Variants in MPPE1 observed in about 807,000 individuals in gnomAD.
MPPE1 encodes metallo phosphoesterase.
In MPPE1, 28 loss-of-function variants were observed where a neutral mutation model predicts 43.8. The observed-to-expected ratio is 0.64, with a 90% CI of 0.47 to 0.88. MPPE1 has a LOEUF of 0.88. Among genes scored for constraint, MPPE1 ranks in the 40% least tolerant of loss-of-function variants. MPPE1 has a pLI of 0.00. For synonymous variants in MPPE1, 159 were observed against 188.5 expected, an observed-to-expected ratio of 0.84 and a Z score of 1.28; for missense variants, 428 against 492.2, an observed-to-expected ratio of 0.87 and a Z score of 1.23.
In MPPE1 at chr18:11,897,021, C is replaced by G. The variant is rs768344577; in HGVS notation, c.244G>C (p.Gly82Arg). The change falls in exon 3 of 11, where the codon GGG becomes CGG. Residue 82 changes from glycine to arginine, a missense_variant. Coordinates refer to ENST00000588072, the MANE Select transcript of MPPE1 (RefSeq NM_023075.6). ...TCCAGCCAGTGGCCTAGGAATTCCC[C>G]AAGCAAATGGGTGTCAGCCAAAAAC... Reference protein sequence around the residue: ...AMFLADTHLLGEFLGHWLDKL... With the variant: ...AMFLADTHLLREFLGHWLDKL... The G allele has an allele frequency of 1.9e-6, 3 of 1,585,476 alleles. No homozygotes were observed. Among genetic ancestry groups the G allele is most frequent in the Admixed American group, 1.9e-5 (1 of 53,248 alleles).
chr18:11,904,545 C>T (rs2039521470), intron 2 of MPPE1, among the ~76,000 whole-genome samples: 1 of 152,124 alleles, frequency 6.6e-6, no homozygotes, highest in South Asian at 2.1e-4. Flanking sequence ...TGGCAAACTC[C>T]TAGGCTCAAG....
chr18:11,885,501 T>C, intron 10 of MPPE1, 175 bp downstream of exon 10: 1 of 705,934 alleles, frequency 1.4e-6, no homozygotes. Context: ...GTCATGCTGA[T>C]TGGTTCCCGG....
intron 10 of MPPE1, chr18:11,885,224 T>C (rs1183895407): frequency 5.9e-6 from 2 of 341,352 alleles, no homozygotes; most frequent in African/African-American, 4.5e-5. Context: ...CAGGAGCCCA[T>C]GGCTGAAAGG....
rs2036766125 is a variant in MPPE1, at chr18:11,883,374, A to C, written c.*1071T>G. On this transcript the variant is annotated 3_prime_UTR_variant, in exon 11 of 11. Coordinates refer to ENST00000588072, the MANE Select transcript of MPPE1 (RefSeq NM_023075.6). ...GAAAGGGAAGTATGCTGTTGTATGCATCATTACTCAACAATTACCCTCTAA... is the reference window on the plus strand; with the variant it reads ...GAAAGGGAAGTATGCTGTTGTATGCCTCATTACTCAACAATTACCCTCTAA... The C allele has an allele frequency of 6.5e-6, 1 of 153,280 alleles. No individual in the cohort carries two copies. Among genetic ancestry groups the C allele is most frequent in the Non-Finnish European group, 1.5e-5 (1 of 68,030 alleles). The allele number at this position is 153,280 out of a possible 1,614,324, so 9.5% of individuals were successfully genotyped here. A position where few individuals can be genotyped will look rare whatever the true frequency, so the allele number is the denominator to read the frequency against.
At chr18:11,887,062 G>T (rs533170003) in intron 6 of MPPE1, 37 bp from the exon 7 acceptor site, 5 of 1,470,080 alleles carry the variant, frequency 3.4e-6, no homozygotes, top group South Asian at 1.2e-5. Context: ...GCCGCTGGGG[G>T]TATCAGTGCT....
intron 10 of MPPE1, chr18:11,884,994 G>A (rs1389109029): frequency 2.3e-6 from 3 of 1,302,852 alleles, no homozygotes; most frequent in Admixed American, 2.3e-5. Flanking sequence ...GAGGAACAAG[G>A]AGGGAAAGGT....
intron 3 of MPPE1, among the ~76,000 whole-genome samples, chr18:11,896,250 C>CACCATCAT (rs2144538720): frequency 6.6e-6 from 1 of 151,868 alleles, no homozygotes; most frequent in African/African-American, 2.4e-5. Flanking sequence ...TACAGGCGCC[C>CACCATCAT]GCCATCATGC....
intron 1 of MPPE1, among the ~76,000 whole-genome samples, chr18:11,907,655 CTTTTTTT>C (rs3048186): frequency 1.8e-5 from 2 of 113,074 alleles, no homozygotes; most frequent in East Asian, 2.4e-4. Flanking sequence ...CTACACCTGG[CTTTTTTT>C]TTTTTTTTTT....
intron 1 of MPPE1, chr18:11,907,976 C>T (rs1413075686): frequency 2.0e-5 from 3 of 152,018 alleles, no homozygotes; most frequent in Non-Finnish European, 4.4e-5. Flanking sequence ...AAATTTTCCA[C>T]CTTAAACGGT....
intron 1 of MPPE1, among the ~76,000 whole-genome samples, chr18:11,907,147 G>A (rs2039799286): frequency 1.3e-5 from 2 of 152,136 alleles, no homozygotes; most frequent in Non-Finnish European, 2.9e-5. Flanking sequence ...TAACATGCTG[G>A]ACACTTAACT....
At chr18:11,887,054 C>T (rs373791490) in intron 6 of MPPE1, 29 bp from the exon 7 acceptor site, 184 of 1,530,386 alleles carry the variant, frequency 1.2e-4, no homozygotes, top group Non-Finnish European at 1.4e-4. Flanking sequence ...CAGGTGAGGC[C>T]GCTGGGGGTA....
Position 11,886,486 on chromosome 18 carries a change from C to T in MPPE1, c.867+13G>A. On this transcript the variant is annotated intron_variant, in intron 9 of 10. Coordinates refer to ENST00000588072, the MANE Select transcript of MPPE1 (RefSeq NM_023075.6). The surrounding 1 kb of genome is among the most constrained non-coding windows in gnomAD (Gnocchi z 4.1). ...ACTGTGACATGAATTAGCATCACGA[C>T]ACCCTGGCAAACCTTTTGTGATGCC... The T allele has an allele frequency of 6.2e-7, 1 of 1,614,140 alleles. No homozygotes were observed.
intron 2 of MPPE1, among the ~76,000 whole-genome samples, chr18:11,903,813 C>A (rs2039438427): frequency 7.0e-6 from 1 of 141,856 alleles, no homozygotes; most frequent in Non-Finnish European, 1.5e-5. Flanking sequence ...CTCAAAAAAA[C>A]AAAAAAACAA....
At chr18:11,885,228 T>C in intron 10 of MPPE1, 1 of 323,484 alleles carries the variant, frequency 3.1e-6, no homozygotes, top group South Asian at 3.3e-5. Flanking sequence ...AGCCCATGGC[T>C]GAAAGGAGTT....
At chr18:11,893,368 T>C (rs2038217864) in intron 4 of MPPE1, 100 bp downstream of exon 4, 1 of 789,438 alleles carries the variant, frequency 1.3e-6, no homozygotes, top group African/African-American at 1.7e-5. Flanking sequence ...ACAACTTCCA[T>C]AAAATCTCCA....
intron 4 of MPPE1, among the ~76,000 whole-genome samples, chr18:11,890,039 T>G (rs960938903): frequency 9.9e-5 from 15 of 150,810 alleles, no homozygotes; most frequent in African/African-American, 2.4e-4. Context: ...GCCTCCGGGG[T>G]TCACGCCATT....
intron 6 of MPPE1, 39 bp from the exon 7 acceptor site, chr18:11,887,064 A>G: frequency 6.8e-7 from 1 of 1,464,162 alleles, no homozygotes; most frequent in Non-Finnish European, 9.5e-7. Flanking sequence ...CGCTGGGGGT[A>G]TCAGTGCTTT....
chr18:11,904,295 T>A (rs2039485427), intron 2 of MPPE1, among the ~76,000 whole-genome samples: 1 of 151,996 alleles, frequency 6.6e-6, no homozygotes, highest in Non-Finnish European at 1.5e-5. Flanking sequence ...CTATCTGGTA[T>A]AACATAATCT....
chr18:11,897,435 A>G (rs1033021079), intron 2 of MPPE1, 79 bp from the exon 3 acceptor site: 7 of 616,578 alleles, frequency 1.1e-5, no homozygotes, highest in African/African-American at 9.2e-5. Context: ...AGAACTAATG[A>G]GTTACATAAT....
Sources: allele counts gnomAD v4.1 joint callset (sites outside exome capture counted in the v4.1 genomes callset), GRCh38; gene constraint gnomAD v4.1.1; non-coding constraint Gnocchi (gnomAD v3.1); transcripts MANE v1.5; gene names NCBI Gene and HGNC (gene_info 2026-07-23, HGNC 2026-07-21).